Variants in UQCRC1 observed in about 807,000 individuals in gnomAD.
The protein encoded by UQCRC1 is cytochrome b-c1 complex subunit 1, mitochondrial.
UQCRC1 carries 34 observed loss-of-function variants against 58.0 expected under a neutral mutation model. The observed-to-expected ratio is 0.59, with a 90% CI of 0.45 to 0.78. The LOEUF (loss-of-function observed/expected upper bound fraction) is 0.78. UQCRC1 is among the 30% of genes least tolerant of loss of function. The pLI, the probability that UQCRC1 is intolerant of heterozygous loss-of-function variation, is 0.00. For synonymous variants in UQCRC1, 276 were observed against 248.8 expected (o/e 1.11, Z -1.03); for missense variants, 610 against 646.0 (o/e 0.94, Z 0.60).
chr3:48,604,423 G>A lies in UQCRC1; in HGVS notation c.436C>T (p.Leu146Phe), dbSNP rs1191747403. 11 of 1,613,788 alleles carry A rather than the reference G, an allele frequency of 6.8e-6. No homozygotes were observed. In the East Asian group the frequency reaches 1.3e-4, roughly 20 times the overall value. The change falls in exon 5 of 13, where the codon CTC becomes TTC. Residue 146 changes from leucine to phenylalanine, a missense_variant. Physicochemically the swap from Leu to Phe is conservative, Grantham distance 22. Coordinates refer to ENST00000203407, the MANE Select transcript of UQCRC1 (RefSeq NM_003365.3). The part of the protein sequence containing the change: ...LSKDLPKAVE[L>F]LGDIVQNCSL... ...CAGTTCTGCACAATGTCACCCAGGAGCTCCACAGCTAGATGCAAGGAGGAC... is the reference window on the plus strand; with the variant it reads ...CAGTTCTGCACAATGTCACCCAGGAACTCCACAGCTAGATGCAAGGAGGAC...
At position 48,601,099 on chromosome 3, in the gene UQCRC1, G is replaced by T. The variant is rs771625501; in HGVS notation, c.842C>A (p.Ala281Asp). ...TGSEIRHRDDALPFAHVAIAV... is the reference protein window; with the variant it reads ...TGSEIRHRDDDLPFAHVAIAV... ...AATGGCCACGTGGGCAAAAGGTAGAGCATCATCACGGTGGCGGATCTGAAA... is the reference window on the plus strand; with the variant it reads ...AATGGCCACGTGGGCAAAAGGTAGATCATCATCACGGTGGCGGATCTGAAA... Residue 281 changes from alanine (A) to aspartate (D), a missense_variant, in exon 8 of 13, where the codon GCT becomes GAT. Coordinates refer to ENST00000203407, the MANE Select transcript of UQCRC1 (RefSeq NM_003365.3). The T allele has an allele frequency of 6.2e-7, 1 of 1,603,204 alleles. No individual in the cohort carries two copies. The highest frequency in any genetic ancestry group is 8.5e-7 in the Non-Finnish European group (1 of 1,171,584).
intron 2 of UQCRC1, among the ~76,000 whole-genome samples, chr3:48,607,045 G>A (rs2046419633): frequency 1.3e-5 from 2 of 149,328 alleles, no homozygotes; most frequent in South Asian, 2.1e-4. Flanking sequence ...TTTTGTGTGT[G>A]TGTGTTTTTT....
chr3:48,601,326 C>T (rs750576806), intron 7 of UQCRC1, 26 bp downstream of exon 7: 20 of 1,612,332 alleles, frequency 1.2e-5, no homozygotes, highest in Non-Finnish European at 1.5e-5. Context: ...CAGCTGAGCA[C>T]TACTCCTGCC....
Position 48,603,624 on chromosome 3 carries a change from A to G in UQCRC1, c.646T>C (p.Leu216=). Residue 216 remains leucine, a synonymous_variant, in exon 6 of 13, where the codon TTG becomes CTG. Coordinates refer to ENST00000203407, the MANE Select transcript of UQCRC1 (RefSeq NM_003365.3). ...TAATGTGTGCTGAGGTACTCGGTCAAGTCTGCACGAGACAGCTTCCTACAA... is the reference window on the plus strand; with the variant it reads ...TAATGTGTGCTGAGGTACTCGGTCAGGTCTGCACGAGACAGCTTCCTACAA... ...ENVRKLSRAD[L]TEYLSTHYKA... 1 of 1,613,988 alleles carries G rather than the reference A, an allele frequency of 6.2e-7. No individual in the cohort carries two copies. Among genetic ancestry groups the G allele is most frequent in the Non-Finnish European group, 8.5e-7 (1 of 1,179,974 alleles).
intron 3 of UQCRC1, among the ~76,000 whole-genome samples, chr3:48,605,468 C>T (rs2046403011): frequency 6.6e-6 from 1 of 152,200 alleles, no homozygotes; most frequent in Non-Finnish European, 1.5e-5. Flanking sequence ...ATGCCCATGT[C>T]TGTGGGTTTG....
At chr3:48,607,559 CTT>C (rs112257968) in intron 2 of UQCRC1, among the ~76,000 whole-genome samples, 37 of 139,390 alleles carry the variant, frequency 2.7e-4, no homozygotes, top group East Asian at 1.2e-3. Flanking sequence ...CCATTTTTTT[CTT>C]TTTTTTTTTT....
intron 12 of UQCRC1, 115 bp downstream of exon 12, chr3:48,599,520 G>C: frequency 8.6e-7 from 1 of 1,158,084 alleles, no homozygotes. Context: ...AGCTGCTTGG[G>C]GCCTTAACTG....
At chr3:48,606,576 G>C (rs987771542) in intron 2 of UQCRC1, among the ~76,000 whole-genome samples, 4 of 152,032 alleles carry the variant, frequency 2.6e-5, no homozygotes, top group African/African-American at 9.7e-5. Context: ...GTGAAACCCT[G>C]TCTCTACTAA....
Position 48,601,113 on chromosome 3 carries a change from G to C in UQCRC1, c.828C>G (p.Arg276=), listed in dbSNP as rs374078744. 1 of 1,599,768 alleles carries C rather than the reference G, an allele frequency of 6.3e-7. No individual in the cohort carries two copies. Among genetic ancestry groups the C allele is most frequent in the African/African-American group, 1.3e-5 (1 of 74,612 alleles). The change falls in exon 8 of 13, where the codon CGC becomes CGG. Residue 276 remains arginine (R), a synonymous_variant. Transcript: ENST00000203407. The part of the protein sequence containing the change: ...TPCRFTGSEI[R]HRDDALPFAH... ...CAAAAGGTAGAGCATCATCACGGTGGCGGATCTGAAACAGTACATGACAAG... is the reference window on the plus strand; with the variant it reads ...CAAAAGGTAGAGCATCATCACGGTGCCGGATCTGAAACAGTACATGACAAG...
intron 1 of UQCRC1, 98 bp downstream of exon 1, chr3:48,609,454 C>T (rs754117578): frequency 3.9e-6 from 6 of 1,521,534 alleles, no homozygotes; most frequent in Non-Finnish European, 4.4e-6. Flanking sequence ...GCCCTGACCC[C>T]GCGTCCTCCC....
At chr3:48,601,833 C>T (rs1012623328) in intron 6 of UQCRC1, among the ~76,000 whole-genome samples, 18 of 152,194 alleles carry the variant, frequency 1.2e-4, no homozygotes, top group Non-Finnish European at 2.9e-5. Context: ...CCTTTTCCCT[C>T]TAGCTCTCCC....
chr3:48,599,058 G>C lies in UQCRC1; in HGVS notation c.*70C>G, dbSNP rs2046335967. On this transcript the variant is annotated 3_prime_UTR_variant, in exon 13 of 13. Transcript: ENST00000203407. ...TGTGGCACAGGTTAGAGGAGCCGAA[G>C]TGCTGTGTTTGTGGTGGGGGGGGGA... 7.6e-6 allele frequency: 12 copies of C among 1,572,636 alleles called. No individual in the cohort carries two copies. The highest frequency in any genetic ancestry group is 1.0e-5 in the Non-Finnish European group (12 of 1,147,576).
chr3:48,605,462 C>T (rs2046402973), intron 3 of UQCRC1, among the ~76,000 whole-genome samples: 1 of 152,184 alleles, frequency 6.6e-6, no homozygotes, highest in East Asian at 1.9e-4. Context: ...GCATGCATGC[C>T]CATGTCTGTG....
In UQCRC1 at chr3:48,607,263, A is replaced by G. The variant is rs2311006; in HGVS notation, c.211-1407T>C. Among the ~76,000 whole-genome samples the G allele has an allele frequency of 8.0e-3, 1,221 of 151,974 alleles. 8 individuals carry two copies. The highest frequency in any genetic ancestry group is 0.027 in the African/African-American group (1,134 of 41,438). ...TCACCGTGTTAGCCAGGATGGTCTC[A>G]ATCTCCTGACCTTGTGATTCGCCCG... On this transcript the variant is annotated intron_variant, in intron 2 of 12. Transcript: ENST00000203407.
At chr3:48,609,119 G>A in intron 2 of UQCRC1, 43 bp downstream of exon 2, 2 of 1,573,138 alleles carry the variant, frequency 1.3e-6, no homozygotes, top group South Asian at 2.3e-5. Context: ...AAGACGGCAG[G>A]CCCAACCTGG....
chr3:48,599,983 C>T lies in UQCRC1; in HGVS notation c.1302+80G>A, dbSNP rs147689268. 2.1e-3 allele frequency: 3,216 copies of T among 1,558,852 alleles called. 15 individuals carry two copies. Among genetic ancestry groups the T allele is most frequent in the Middle Eastern group, 0.013 (67 of 5,314 alleles). On this transcript the variant is annotated intron_variant, in intron 11 of 12. Transcript: ENST00000203407. ...GGGATGCCTATAGGAGCAGGCTGCG[C>T]TATGCCAGGCCCCAACCCTACACCT...
chr3:48,609,063 C>T, intron 2 of UQCRC1, 99 bp downstream of exon 2: 1 of 1,505,054 alleles, frequency 6.6e-7, no homozygotes, highest in South Asian at 1.3e-5. Flanking sequence ...GAACCCAAAC[C>T]ACAAACGGGA....
At chr3:48,605,062 C>G (rs1031091646) in intron 3 of UQCRC1, among the ~76,000 whole-genome samples, 1 of 152,214 alleles carries the variant, frequency 6.6e-6, no homozygotes, top group Non-Finnish European at 1.5e-5. Flanking sequence ...AGCTTACCAA[C>G]AAGCTGTGGG....
rs2046335718 is a variant in UQCRC1 at position 48,599,042 on chromosome 3, G to C, written c.*86C>G. On this transcript the variant is annotated 3_prime_UTR_variant, in exon 13 of 13. Coordinates refer to ENST00000203407, the MANE Select transcript of UQCRC1 (RefSeq NM_003365.3). ...TTTATTGGTGGTCACCTGTGGCACA[G>C]GTTAGAGGAGCCGAAGTGCTGTGTT... 6.6e-7 allele frequency: 1 copy of C among 1,507,702 alleles called. No individual in the cohort carries two copies. 93.4% of individuals were successfully genotyped at this position (1,507,702 alleles called of 1,614,324 possible).
Sources: allele counts gnomAD v4.1 joint callset (sites outside exome capture counted in the v4.1 genomes callset), GRCh38; gene constraint gnomAD v4.1.1; transcripts MANE v1.5; gene names NCBI Gene and HGNC (gene_info 2026-07-23, HGNC 2026-07-21).